SEPSECS: variants seen among roughly 807,000 people sequenced by gnomAD.
The protein encoded by SEPSECS is O-phosphoseryl-tRNA(Sec) selenium transferase.
Under a neutral mutation model 52.1 loss-of-function variants are expected in SEPSECS, and 42 were observed. The observed-to-expected ratio is 0.81, with a 90% CI of 0.63 to 1.04. SEPSECS has a LOEUF of 1.04. SEPSECS is among the 50% of genes least tolerant of loss of function. The probability of loss-of-function intolerance (pLI) is 0.00; values close to 1 mark genes in which losing one functional copy is unlikely to be tolerated. For synonymous variants in SEPSECS, 216 were observed against 211.4 expected, an observed-to-expected ratio of 1.02 and a Z score of -0.19; for missense variants, 590 against 610.6, an observed-to-expected ratio of 0.97 and a Z score of 0.36.
intron 2 of SEPSECS, among the ~76,000 whole-genome samples, chr4:25,158,308 G>C (rs1712812643): frequency 6.6e-6 from 1 of 152,128 alleles, no homozygotes; most frequent in Admixed American, 6.5e-5. Flanking sequence ...TAAAAGCATG[G>C]AAGACAGGAG....
chr4:25,160,505 AAAC>A (rs1713015662), upstream of SEPSECS: 1 of 664,314 alleles, frequency 1.5e-6, no homozygotes, highest in Non-Finnish European at 2.6e-6. Context: ...AAACAAAACA[AAAC>A]AAAAAAAACA....
rs530705733 is a variant in SEPSECS, at chr4:25,123,677, A to C, written c.*254T>G. On this transcript the variant is annotated 3_prime_UTR_variant, in exon 11 of 11. Coordinates refer to ENST00000382103, the MANE Select transcript of SEPSECS (RefSeq NM_016955.4). ...AAAATTATCTGAGTCATGATGCTTA[A>C]TTGACAGATATTCTAACAATTAGAA... 167 of 486,240 alleles carry C rather than the reference A, an allele frequency of 3.4e-4. No individual in the cohort carries two copies. The highest frequency in any genetic ancestry group is 3.1e-3 in the African/African-American group (157 of 49,884). The allele number at this position is 486,240 out of a possible 1,614,324, so 30.1% of individuals were successfully genotyped here.
chr4:25,132,318 C>A (rs987374824), intron 8 of SEPSECS, among the ~76,000 whole-genome samples: 1 of 152,064 alleles, frequency 6.6e-6, no homozygotes, highest in African/African-American at 2.4e-5. Context: ...CACAATAACA[C>A]CAATAATATA....
rs191935329 is a variant in SEPSECS, at chr4:25,130,503, C to T, written c.1027-3146G>A. Among the ~76,000 whole-genome samples, 10 of 152,016 alleles carry T rather than the reference C, an allele frequency of 6.6e-5. No individual in the cohort carries two copies. In the East Asian group the frequency reaches 1.5e-3, roughly 23 times the overall value. On this transcript the variant is annotated intron_variant, in intron 8 of 10. Coordinates refer to ENST00000382103, the MANE Select transcript of SEPSECS (RefSeq NM_016955.4). ...ATATTAGGATAGTATTTTTAGACTA[C>T]GAGGATAACACTAAAGTAATTAAAT...
chr4:25,145,204 C>T, intron 6 of SEPSECS, 71 bp from the exon 7 acceptor site: 2 of 1,489,008 alleles, frequency 1.3e-6, no homozygotes, highest in East Asian at 4.5e-5. Flanking sequence ...ACAAATACCA[C>T]AACAAAAAAT....
chr4:25,159,129 ATGATTATATTTAAT>A, intron 1 of SEPSECS, 22 bp from the exon 2 acceptor site: 4 of 1,493,656 alleles, frequency 2.7e-6, no homozygotes, highest in Non-Finnish European at 3.6e-6. Context: ...AAAAAAACTT[ATGATTATATTTAAT>A]AAAACTACCG....
chr4:25,148,381 AGTAGGATGCCTGACACATGGAGAGTGT>A (rs1712113023), intron 6 of SEPSECS, among the ~76,000 whole-genome samples: 1 of 146,226 alleles, frequency 6.8e-6, no homozygotes, highest in Non-Finnish European at 1.5e-5. Flanking sequence ...AAAAAAGCCT[AGTAGGATGCCTGACACATGGAGAGTGT>A]GTAGTAAATG....
rs1712527088 is a variant in SEPSECS, at chr4:25,154,928, T to C, written c.701+70A>G. 2.1e-6 allele frequency: 3 copies of C among 1,445,646 alleles called. No individual in the cohort carries two copies. In the Admixed American group the frequency reaches 5.0e-5, roughly 24 times the overall value. The allele number at this position is 1,445,646 out of a possible 1,614,324, so 89.6% of individuals were successfully genotyped here. A position where few individuals can be genotyped will look rare whatever the true frequency, so the allele number is the denominator to read the frequency against. On this transcript the variant is annotated intron_variant, in intron 5 of 10. Coordinates refer to ENST00000382103, the MANE Select transcript of SEPSECS (RefSeq NM_016955.4). ...TATTGTGAAGTGTTATTTAAGCATA[T>C]TTGAGAATTAGTATATTTTATTTAA...
intron 5 of SEPSECS, among the ~76,000 whole-genome samples, chr4:25,153,855 A>C (rs1712462751): frequency 6.6e-6 from 1 of 152,078 alleles, no homozygotes; most frequent in African/African-American, 2.4e-5. Flanking sequence ...TCTAAAGGAG[A>C]TAATACAGGT....
chr4:25,132,350 T>C (rs1332397937), intron 8 of SEPSECS, among the ~76,000 whole-genome samples: 1 of 152,160 alleles, frequency 6.6e-6, no homozygotes, highest in Admixed American at 6.6e-5. Flanking sequence ...TCAGTGATGG[T>C]ATATAAATAG....
intron 3 of SEPSECS, 75 bp downstream of exon 3, chr4:25,156,781 T>TAATAA (rs1712682270): frequency 2.1e-6 from 1 of 478,360 alleles, no homozygotes; most frequent in East Asian, 5.6e-5. Context: ...AAAGGGGCAA[T>TAATAA]AATAAATGAA....
chr4:25,143,946 C>T (rs1262825300), intron 8 of SEPSECS, among the ~76,000 whole-genome samples: 2 of 152,092 alleles, frequency 1.3e-5, no homozygotes, highest in Non-Finnish European at 2.9e-5. Flanking sequence ...TTGGAGGTGT[C>T]CTGAATTAAG....
chr4:25,144,880 A>G lies in SEPSECS; in HGVS notation c.935-15T>C, dbSNP rs144298424. On this transcript the variant is annotated splice_polypyrimidine_tract_variant and intron_variant, in intron 7 of 10. Transcript: ENST00000382103. ...TGAAGCTCTTCCTGAAATAAGAAGG[A>G]TAAGTTACATTAAGACTGTGGTGGG... The G allele has an allele frequency of 1.3e-5, 21 of 1,602,350 alleles. No homozygotes were observed. Among genetic ancestry groups the G allele is most frequent in the Middle Eastern group, 3.3e-4 (2 of 6,032 alleles).
intron 8 of SEPSECS, among the ~76,000 whole-genome samples, chr4:25,128,673 G>A (rs1027642334): frequency 6.6e-6 from 1 of 152,046 alleles, no homozygotes; most frequent in Admixed American, 6.6e-5. Flanking sequence ...TTTAAAAAGT[G>A]TTGAAATCAG....
At chr4:25,135,743 T>TA (rs573535405) in intron 8 of SEPSECS, among the ~76,000 whole-genome samples, 24 of 148,972 alleles carry the variant, frequency 1.6e-4, no homozygotes, top group Admixed American at 4.0e-4. Context: ...GCAGAAATTT[T>TA]AAAAAAAAAA....
chr4:25,159,126 C>T lies in SEPSECS; in HGVS notation c.115-19G>A, dbSNP rs74900576. On this transcript the variant is annotated intron_variant, in intron 1 of 10. Coordinates refer to ENST00000382103, the MANE Select transcript of SEPSECS (RefSeq NM_016955.4). ...ACTTGCCCTTAAAAAAAAAAAAAAACTTATGATTATATTTAATAAAACTAC... is the reference window on the plus strand; with the variant it reads ...ACTTGCCCTTAAAAAAAAAAAAAAATTTATGATTATATTTAATAAAACTAC... 2 of 1,167,660 alleles carry T rather than the reference C, an allele frequency of 1.7e-6. No homozygotes were observed. Among genetic ancestry groups the T allele is most frequent in the Non-Finnish European group, 2.5e-6 (2 of 816,016 alleles). 72.3% of individuals were successfully genotyped at this position (1,167,660 alleles called of 1,614,324 possible). A position where few individuals can be genotyped will look rare whatever the true frequency, so the allele number is the denominator to read the frequency against.
At chr4:25,160,161 G>GA (rs1434208540) in intron 1 of SEPSECS, 95 bp downstream of exon 1, 1 of 1,529,956 alleles carries the variant, frequency 6.5e-7, no homozygotes. Context: ...CTCAAGCAGC[G>GA]AAGAGCTGCC....
rs1577618638 is a variant in SEPSECS, at chr4:25,145,039, T to C, written c.899A>G (p.Asp300Gly). 3 of 1,613,960 alleles carry C rather than the reference T, an allele frequency of 1.9e-6. No homozygotes were observed. The highest frequency in any genetic ancestry group is 2.5e-6 in the Non-Finnish European group (3 of 1,179,926). The change falls in exon 7 of 11, where the codon GAT becomes GGT. Residue 300 changes from aspartate (D) to glycine (G), a missense_variant. Physicochemically the swap from Asp to Gly is moderately conservative, Grantham distance 94. Coordinates refer to ENST00000382103, the MANE Select transcript of SEPSECS (RefSeq NM_016955.4). ...VGGAIIAGFN[D>G]SFIQEISKMY... ...CTTGCTGATTTCCTGAATGAATGAA[T>C]CATTAAAGCCAGCAATTATAGCACC...
At chr4:25,128,273 A>C (rs1728463560) in intron 8 of SEPSECS, among the ~76,000 whole-genome samples, 1 of 152,206 alleles carries the variant, frequency 6.6e-6, no homozygotes, top group Admixed American at 6.5e-5. Flanking sequence ...GCCAGACTTT[A>C]GTATGCAAGT....
Sources: allele counts gnomAD v4.1 joint callset (sites outside exome capture counted in the v4.1 genomes callset), GRCh38; gene constraint gnomAD v4.1.1; transcripts MANE v1.5; gene names NCBI Gene and HGNC (gene_info 2026-07-23, HGNC 2026-07-21).